The following NRXN1 variants were observed in gnomAD, a reference collection of about 807,000 sequenced individuals.
NRXN1 encodes neurexin-1.
Under a neutral mutation model 150.9 loss-of-function variants are expected in NRXN1, and 39 were observed. That is an observed-to-expected ratio of 0.26 (90% CI 0.20 to 0.34). NRXN1 has a LOEUF of 0.34. Among genes scored for constraint, NRXN1 ranks in the 10% least tolerant of loss-of-function variants. The probability of loss-of-function intolerance (pLI) is 1.00; values close to 1 mark genes in which losing one functional copy is unlikely to be tolerated. For missense variants in NRXN1, 1,815 were observed against 1,949.9 expected (o/e 0.93, Z 1.30); for synonymous variants, 924 against 757.0 (o/e 1.22, Z -3.62).
chr2:50,195,736 G>A (rs145401590), intron 18 of NRXN1, among the ~76,000 whole-genome samples: 101 of 152,050 alleles, frequency 6.6e-4, no homozygotes, highest in African/African-American at 2.2e-3. Flanking sequence ...GTTTTTTGAG[G>A]AAACACACAA....
At chr2:50,824,301 AGT>A (rs10651842) in intron 5 of NRXN1, among the ~76,000 whole-genome samples, 1,823 of 149,146 alleles carry the variant, frequency 0.012, 30 homozygotes, top group African/African-American at 0.039. Flanking sequence ...AAACCCTTTG[AGT>A]GTGTGTGTGT....
At chr2:50,485,008 C>T (rs1457064732) in intron 15 of NRXN1, among the ~76,000 whole-genome samples, 3 of 152,028 alleles carry the variant, frequency 2.0e-5, no homozygotes, top group Non-Finnish European at 4.4e-5. Context: ...TAAATACTGC[C>T]GTAGACCTGG....
At chr2:50,910,646 G>A (rs1052092578) in intron 5 of NRXN1, among the ~76,000 whole-genome samples, 1 of 151,882 alleles carries the variant, frequency 6.6e-6, no homozygotes, top group African/African-American at 2.4e-5. Flanking sequence ...TAACAACAGT[G>A]ACTGACCAAT....
chr2:50,965,129 T>G (rs13400688), intron 2 of NRXN1, among the ~76,000 whole-genome samples: 2 of 151,094 alleles, frequency 1.3e-5, no homozygotes, highest in African/African-American at 2.4e-5. Context: ...CTATGAAACT[T>G]ATAACATCAC....
At chr2:50,927,878 T>TA (rs1308555228) in intron 2 of NRXN1, among the ~76,000 whole-genome samples, 12 of 149,994 alleles carry the variant, frequency 8.0e-5, no homozygotes, top group African/African-American at 2.2e-4. Flanking sequence ...AAACTACAAT[T>TA]AAAAAAAAAG....
chr2:50,154,979 A>G (rs191700680), intron 18 of NRXN1, among the ~76,000 whole-genome samples: 13 of 151,686 alleles, frequency 8.6e-5, no homozygotes, highest in African/African-American at 3.1e-4. Context: ...AAAATTGAAT[A>G]AAAGTATAAA....
At chr2:50,193,147 C>T (rs1400013346) in intron 18 of NRXN1, among the ~76,000 whole-genome samples, 1 of 152,078 alleles carries the variant, frequency 6.6e-6, no homozygotes, top group Non-Finnish European at 1.5e-5. Flanking sequence ...TTAACAAGTT[C>T]ACTTTAATTA....
At chr2:50,110,078 T>G (rs1266713497) in intron 18 of NRXN1, among the ~76,000 whole-genome samples, 2 of 151,576 alleles carry the variant, frequency 1.3e-5, no homozygotes, top group Non-Finnish European at 2.9e-5. Flanking sequence ...AATAAGGGAG[T>G]CTCTTATCCT....
At chr2:50,098,849 T>TGGCTAG (rs1558874712) in intron 18 of NRXN1, among the ~76,000 whole-genome samples, 28 of 16,800 alleles carry the variant, frequency 1.7e-3, no homozygotes, top group Non-Finnish European at 3.2e-3. Flanking sequence ...TTTTTTTTTT[T>TGGCTAG]TTTTTTTTTT....
rs545273517 is a variant in NRXN1, at chr2:50,071,114, A to G, written c.3719-16070T>C. On this transcript the variant is annotated intron_variant, in intron 19 of 22. Transcript: ENST00000401669. ...TCTTCTCCATCTTTTTTATAGCCCA[A>G]TAGATCTACAGTTAGGCTGTGTCAT... 3.9e-5 allele frequency among the ~76,000 whole-genome samples: 6 copies of G among 152,316 alleles called. No homozygotes were observed. In the South Asian group the frequency reaches 1.2e-3, roughly 32 times the overall value.
intron 5 of NRXN1, among the ~76,000 whole-genome samples, chr2:50,659,492 C>T (rs1025789248): frequency 1.3e-5 from 2 of 151,472 alleles, no homozygotes; most frequent in Non-Finnish European, 2.9e-5. Flanking sequence ...TGTCTGGGGG[C>T]AATCTATATA....
chr2:50,151,751 C>T (rs756582090), intron 18 of NRXN1, among the ~76,000 whole-genome samples: 5 of 151,524 alleles, frequency 3.3e-5, no homozygotes, highest in Admixed American at 6.6e-5. Flanking sequence ...TGGATTGTGG[C>T]AATGGTTGCA....
At chr2:50,839,737 T>G (rs189580778) in intron 5 of NRXN1, among the ~76,000 whole-genome samples, 4 of 152,136 alleles carry the variant, frequency 2.6e-5, no homozygotes, top group Admixed American at 2.0e-4. Flanking sequence ...AGAATGCTTG[T>G]CATTATTGAG....
intron 2 of NRXN1, among the ~76,000 whole-genome samples, chr2:50,948,311 C>A (rs981608429): frequency 6.6e-6 from 1 of 151,760 alleles, no homozygotes; most frequent in Admixed American, 6.6e-5. Context: ...TTAGATAGAT[C>A]CAAAATTTCA....
chr2:50,814,744 C>T (rs1404566668), intron 5 of NRXN1, among the ~76,000 whole-genome samples: 5 of 152,006 alleles, frequency 3.3e-5, no homozygotes, highest in Non-Finnish European at 7.4e-5. Context: ...TAAAAATATA[C>T]AAAGGTATTT....
At chr2:50,440,636 A>G (rs2085870262) in intron 17 of NRXN1, among the ~76,000 whole-genome samples, 1 of 152,084 alleles carries the variant, frequency 6.6e-6, no homozygotes, top group African/African-American at 2.4e-5. Flanking sequence ...TAATGTTTGA[A>G]CAAAGAACTC....
intron 8 of NRXN1, among the ~76,000 whole-genome samples, chr2:50,593,742 A>C (rs1674668735): frequency 2.0e-5 from 3 of 152,164 alleles, no homozygotes; most frequent in Admixed American, 6.6e-5. Flanking sequence ...TTAAAGATTA[A>C]ACAAGTGTTT....
chr2:50,213,148 G>C (rs2063152009), intron 18 of NRXN1, among the ~76,000 whole-genome samples: 1 of 151,762 alleles, frequency 6.6e-6, no homozygotes, highest in Non-Finnish European at 1.5e-5. Context: ...GCTTTAATTT[G>C]AGAAACAGTG....
chr2:50,887,714 A>G (rs1680465330), intron 5 of NRXN1, among the ~76,000 whole-genome samples: 1 of 151,344 alleles, frequency 6.6e-6, no homozygotes, highest in South Asian at 2.1e-4. Flanking sequence ...CATTTATTTA[A>G]TTTTTCTATC....
Sources: gnomAD v4.1 joint callset for allele counts (sites outside exome capture counted in the v4.1 genomes callset) on GRCh38, gnomAD v4.1.1 for gene constraint, MANE v1.5 for transcripts, NCBI Gene and HGNC (gene_info 2026-07-23, HGNC 2026-07-21) for gene names.